Variants in LHFPL3 observed in about 807,000 individuals in gnomAD.
The protein encoded by LHFPL3 is LHFPL tetraspan subfamily member 3.
In LHFPL3, 5 loss-of-function variants were observed where a neutral mutation model predicts 19.3. The ratio of observed to expected loss-of-function variants is 0.26; its 90% confidence interval spans 0.14 to 0.54. The LOEUF (loss-of-function observed/expected upper bound fraction) is 0.54. LHFPL3 is among the 20% of genes least tolerant of loss of function. The pLI, the probability that LHFPL3 is intolerant of heterozygous loss-of-function variation, is 0.94. For missense variants in LHFPL3, 249 were observed against 307.4 expected, an observed-to-expected ratio of 0.81 and a Z score of 1.42; for synonymous variants, 133 against 126.2, an observed-to-expected ratio of 1.05 and a Z score of -0.36.
At chr7:104,669,256 A>G (rs1259135256) in intron 1 of LHFPL3, 2 of 1,613,880 alleles carry the variant, frequency 1.2e-6, no homozygotes, top group African/African-American at 2.7e-5. Flanking sequence ...GCAATCCCCT[A>G]CAAGTGGTGG....
chr7:104,513,045 C>G (rs1202894260), intron 1 of LHFPL3, among the ~76,000 whole-genome samples: 1 of 152,148 alleles, frequency 6.6e-6, no homozygotes, highest in African/African-American at 2.4e-5. Flanking sequence ...CTTGTTTCCT[C>G]TAACTTGATT....
At position 104,523,307 on chromosome 7, in the gene LHFPL3, G is replaced by A. The variant is rs539129411; in HGVS notation, c.445+194083G>A. Among the ~76,000 whole-genome samples, 241 of 152,068 alleles carry A rather than the reference G, an allele frequency of 1.6e-3. 1 individual carries two copies. The highest frequency in any genetic ancestry group is 2.7e-3 in the Non-Finnish European group (183 of 67,990). On this transcript the variant is annotated intron_variant, in intron 1 of 2. Transcript: ENST00000424859. The stretch of plus-strand genomic sequence containing the variant: ...ATCTCATGTGACAAATTTGTCTGTG[G>A]ACTATATAAAACACACATACACTGG...
intron 2 of LHFPL3, among the ~76,000 whole-genome samples, chr7:104,737,813 A>T (rs202129744): frequency 1.2e-4 from 19 of 152,028 alleles, no homozygotes; most frequent in South Asian, 2.1e-4. Context: ...TCTAATTGGG[A>T]GCTAAATCCA....
chr7:104,838,349 T>C (rs1791137327), intron 2 of LHFPL3, among the ~76,000 whole-genome samples: 1 of 152,210 alleles, frequency 6.6e-6, no homozygotes, highest in South Asian at 2.1e-4. Flanking sequence ...TAACCCTACA[T>C]ATACACCTCC....
chr7:104,655,459 A>G (rs991023606), intron 1 of LHFPL3, among the ~76,000 whole-genome samples: 1 of 152,240 alleles, frequency 6.6e-6, no homozygotes, highest in African/African-American at 2.4e-5. Context: ...AATGTTTGGT[A>G]TGGACGTTGG....
chr7:104,828,061 T>C (rs1193509938), intron 2 of LHFPL3, among the ~76,000 whole-genome samples: 1 of 151,898 alleles, frequency 6.6e-6, no homozygotes, highest in Non-Finnish European at 1.5e-5. Flanking sequence ...GTCATAATGA[T>C]AACAATGAGC....
chr7:104,672,058 A>AGT (rs71155518), intron 1 of LHFPL3, among the ~76,000 whole-genome samples: 52,640 of 148,524 alleles, frequency 0.35, 9,859 homozygotes, highest in East Asian at 0.61. Context: ...TTAACTTCCA[A>AGT]GTGTGTGTGT....
At chr7:104,864,787 C>G (rs1165455452) in intron 2 of LHFPL3, among the ~76,000 whole-genome samples, 1 of 152,234 alleles carries the variant, frequency 6.6e-6, no homozygotes, top group Admixed American at 6.5e-5. Context: ...AACAGACAGA[C>G]TGCCTCCTCA....
At chr7:104,892,437 G>T (rs753015943) in intron 2 of LHFPL3, among the ~76,000 whole-genome samples, 58 of 152,150 alleles carry the variant, frequency 3.8e-4, no homozygotes, top group Non-Finnish European at 6.6e-4. Context: ...AAATCGTAGG[G>T]CATGGTGGCT....
chr7:104,543,220 T>C (rs1794521111), intron 1 of LHFPL3, among the ~76,000 whole-genome samples: 1 of 151,926 alleles, frequency 6.6e-6, no homozygotes, highest in Non-Finnish European at 1.5e-5. Context: ...GCCTTAACCA[T>C]CTCACACCAG....
At chr7:104,585,880 T>C (rs1790565706) in intron 1 of LHFPL3, among the ~76,000 whole-genome samples, 1 of 152,098 alleles carries the variant, frequency 6.6e-6, no homozygotes, top group African/African-American at 2.4e-5. Flanking sequence ...TTAAATCTAG[T>C]TGCTGCAAAA....
At chr7:104,564,423 T>A (rs762567688) in intron 1 of LHFPL3, among the ~76,000 whole-genome samples, 3 of 152,214 alleles carry the variant, frequency 2.0e-5, no homozygotes, top group Non-Finnish European at 4.4e-5. Flanking sequence ...TCTGTTTCAT[T>A]CCATTCAACA....
rs35342944 is a variant in LHFPL3 at position 104,681,154 on chromosome 7, C to CTT, written c.446-55505_446-55504dup. Among the ~76,000 whole-genome samples the CTT allele has an allele frequency of 3.2e-3, 430 of 132,560 alleles. 4 individuals are homozygous for CTT. The highest frequency in any genetic ancestry group is 5.0e-3 in the East Asian group (23 of 4,644). 87.0% of individuals were successfully genotyped at this position (132,560 alleles called of 152,430 possible). A position where few individuals can be genotyped will look rare whatever the true frequency, so the allele number is the denominator to read the frequency against. On this transcript the variant is annotated intron_variant, in intron 1 of 2. Transcript: ENST00000424859. Reference sequence around the variant, plus strand: ...TTTGGTTTTTTGTCTTTCTTTTCTTCTTTTTTTTTTTTTTTTTGTTAGGGA... The same window carrying CTT: ...TTTGGTTTTTTGTCTTTCTTTTCTTCTTTTTTTTTTTTTTTTTTTGTTAGGGA...
intron 1 of LHFPL3, among the ~76,000 whole-genome samples, chr7:104,547,710 C>A (rs1477755501): frequency 6.6e-6 from 1 of 152,104 alleles, no homozygotes; most frequent in East Asian, 1.9e-4. Context: ...GAGCCCACCA[C>A]TTCATGGCCC....
chr7:104,500,445 T>C (rs1793579290), intron 1 of LHFPL3, among the ~76,000 whole-genome samples: 1 of 152,190 alleles, frequency 6.6e-6, no homozygotes, highest in African/African-American at 2.4e-5. Flanking sequence ...AACAAGATAA[T>C]TAGTGAATTC....
At chr7:104,616,269 G>T (rs1395088134) in intron 1 of LHFPL3, among the ~76,000 whole-genome samples, 1 of 152,162 alleles carries the variant, frequency 6.6e-6, no homozygotes, top group African/African-American at 2.4e-5. Context: ...AAAACAGCTT[G>T]CTACTAGTAC....
At chr7:104,475,533 T>C (rs1213633059) in intron 1 of LHFPL3, among the ~76,000 whole-genome samples, 1 of 152,188 alleles carries the variant, frequency 6.6e-6, no homozygotes, top group African/African-American at 2.4e-5. Context: ...TGTAACAATA[T>C]GAATATACTT....
intron 2 of LHFPL3, among the ~76,000 whole-genome samples, chr7:104,857,980 T>C (rs1014857025): frequency 6.6e-6 from 1 of 152,174 alleles, no homozygotes; most frequent in Non-Finnish European, 1.5e-5. Context: ...AGTAGGTAAA[T>C]TCTAGCTGTG....
intron 1 of LHFPL3, among the ~76,000 whole-genome samples, chr7:104,654,499 T>C (rs1271085293): frequency 2.0e-5 from 3 of 152,142 alleles, no homozygotes; most frequent in Admixed American, 6.5e-5. Flanking sequence ...CTCAAATAGC[T>C]GCATGACCTT....
Sources: gnomAD v4.1 joint callset for allele counts (sites outside exome capture counted in the v4.1 genomes callset) on GRCh38, gnomAD v4.1.1 for gene constraint, MANE v1.5 for transcripts, NCBI Gene and HGNC (gene_info 2026-07-23, HGNC 2026-07-21) for gene names.